DERL1: variants seen among roughly 807,000 people sequenced by gnomAD.
The protein encoded by DERL1 is derlin-1.
A neutral mutation model predicts 41.6 loss-of-function variants in DERL1; 24 were observed. That is an observed-to-expected ratio of 0.58 (90% CI 0.42 to 0.81). The LOEUF is 0.81. DERL1 is among the 30% of genes least tolerant of loss of function. The pLI is 0.00. For missense variants in DERL1, 260 were observed against 314.3 expected (o/e 0.83, Z 1.31); for synonymous variants, 124 against 112.5 (o/e 1.10, Z -0.65).
chr8:123,023,434 A>C (rs1183272819), intron 4 of DERL1, among the ~76,000 whole-genome samples: 1 of 152,112 alleles, frequency 6.6e-6, no homozygotes, highest in African/African-American at 2.4e-5. Context: ...GTGCATCTAT[A>C]ATCCCAGCTA....
chr8:123,020,144 T>C (rs755340144), intron 6 of DERL1, among the ~76,000 whole-genome samples: 2 of 152,142 alleles, frequency 1.3e-5, no homozygotes, highest in African/African-American at 2.4e-5. Flanking sequence ...ACCAGCAATA[T>C]AAAAATGGAT....
At chr8:123,039,449 T>C (rs1359214419) in intron 1 of DERL1, among the ~76,000 whole-genome samples, 1 of 152,222 alleles carries the variant, frequency 6.6e-6, no homozygotes, top group Non-Finnish European at 1.5e-5. Flanking sequence ...CCTGCTGTCA[T>C]CTACTAATCC....
intron 1 of DERL1, among the ~76,000 whole-genome samples, chr8:123,031,305 G>A (rs1002480990): frequency 1.3e-5 from 2 of 152,178 alleles, no homozygotes; most frequent in Non-Finnish European, 2.9e-5. Flanking sequence ...AGCACTTTAG[G>A]AAGCTGAGGC....
At chr8:123,024,889 T>A in intron 3 of DERL1, 97 bp downstream of exon 3, 2 of 1,272,956 alleles carry the variant, frequency 1.6e-6, no homozygotes, top group East Asian at 4.9e-5. Flanking sequence ...AAGATGCAAA[T>A]ATTGTAATTT....
intron 6 of DERL1, among the ~76,000 whole-genome samples, chr8:123,021,076 A>G (rs3817714): frequency 0.07 from 10,616 of 152,260 alleles, 363 homozygotes; most frequent in Middle Eastern, 0.095. Context: ...CATTCTGGAA[A>G]TGCCTTAAGA....
At position 123,042,277 on chromosome 8, in the gene DERL1, A is replaced by T. The variant is rs1366675492; in HGVS notation, c.-155T>A. On this transcript the variant is annotated 5_prime_UTR_variant, in exon 1 of 8. Transcript: ENST00000259512. The stretch of plus-strand genomic sequence containing the variant: ...GAGACGGGCGGACGTGGCGCCACCG[A>T]ATTCGGACCAGCGAGGCAGCCTTCT... 1 of 1,043,474 alleles carries T rather than the reference A, an allele frequency of 9.6e-7. No individual in the cohort carries two copies. The highest frequency in any genetic ancestry group is 1.3e-6 in the Non-Finnish European group (1 of 764,484). The allele number at this position is 1,043,474 out of a possible 1,614,324, so 64.6% of individuals were successfully genotyped here.
chr8:123,014,719 G>A lies in DERL1; in HGVS notation c.*728C>T, dbSNP rs1234429601. On this transcript the variant is annotated 3_prime_UTR_variant, in exon 8 of 8. Coordinates refer to ENST00000259512, the MANE Select transcript of DERL1 (RefSeq NM_024295.6). ...ACTACAGTCTTGATCACTTAGCTCA[G>A]GAAACAAACACCCAGCAACAACCCT... The A allele has an allele frequency of 2.0e-5, 3 of 152,216 alleles. No homozygotes were observed. The highest frequency in any genetic ancestry group is 7.2e-5 in the African/African-American group (3 of 41,432). 9.4% of individuals were successfully genotyped at this position (152,216 alleles called of 1,614,324 possible). A position where few individuals can be genotyped will look rare whatever the true frequency, so the allele number is the denominator to read the frequency against.
At chr8:123,018,509 T>G (rs1814647959) in intron 7 of DERL1, 1 of 152,222 alleles carries the variant, frequency 6.6e-6, no homozygotes. Context: ...CTCCCACAAT[T>G]TACAGGCTTG....
intron 1 of DERL1, among the ~76,000 whole-genome samples, chr8:123,040,218 C>CA (rs375014353): frequency 2.0e-5 from 3 of 150,552 alleles, no homozygotes; most frequent in Admixed American, 6.6e-5. Flanking sequence ...ACTCCGTCTC[C>CA]AAAAAAAAGA....
intron 6 of DERL1, 123 bp downstream of exon 6, chr8:123,021,324 T>C: frequency 1.2e-6 from 1 of 848,292 alleles, no homozygotes; most frequent in East Asian, 2.5e-5. Flanking sequence ...ATTCCATAAA[T>C]ATAGGGTTCT....
chr8:123,016,344 C>A (rs1485115586), intron 7 of DERL1: 1 of 152,182 alleles, frequency 6.6e-6, no homozygotes, highest in Non-Finnish European at 1.5e-5. Flanking sequence ...AAACCTATTC[C>A]ACTTAGCAGA....
rs149704655 is a variant in DERL1 at position 123,015,484 on chromosome 8, T to C, written c.719A>G (p.His240Arg). 2.3e-5 allele frequency: 37 copies of C among 1,613,564 alleles called. No homozygotes were observed. Among genetic ancestry groups the C allele is most frequent in the African/African-American group, 4.0e-5 (3 of 74,872 alleles). Residue 240 changes from histidine (H) to arginine (R), a missense_variant, in exon 8 of 8, where the codon CAC (histidine) becomes CGC (arginine). Transcript: ENST00000259512. ...AAGTCGAAAGCCCTGGCCCCAGTTGTGTCTCCCGCCTCCGCCATTCTGATC... is the reference window on the plus strand; with the variant it reads ...AAGTCGAAAGCCCTGGCCCCAGTTGCGTCTCCCGCCTCCGCCATTCTGATC... ...AADQNGGGGR[H>R]NWGQGFRLGD...
intron 1 of DERL1, among the ~76,000 whole-genome samples, chr8:123,038,981 G>T (rs75924591): frequency 0.07 from 10,595 of 152,096 alleles, 365 homozygotes; most frequent in Middle Eastern, 0.095. Flanking sequence ...CCCAACCCAG[G>T]TATCCCTGAC....
intron 1 of DERL1, among the ~76,000 whole-genome samples, chr8:123,036,078 A>G (rs1315537783): frequency 6.6e-6 from 1 of 152,168 alleles, no homozygotes; most frequent in Non-Finnish European, 1.5e-5. Context: ...AAGGCACTTA[A>G]TCTTTAAAAA....
intron 1 of DERL1, among the ~76,000 whole-genome samples, chr8:123,035,756 T>C (rs950903864): frequency 1.3e-5 from 2 of 152,222 alleles, no homozygotes; most frequent in African/African-American, 4.8e-5. Context: ...TGTTCCTCAG[T>C]TATTAGTCCA....
chr8:123,033,500 T>C (rs1331390231), intron 1 of DERL1, among the ~76,000 whole-genome samples: 3 of 152,140 alleles, frequency 2.0e-5, no homozygotes, highest in East Asian at 3.9e-4. Flanking sequence ...TCCCAGCACT[T>C]TGGGAGGCCG....
intron 1 of DERL1, among the ~76,000 whole-genome samples, chr8:123,038,586 C>G (rs551614304): frequency 3.9e-5 from 6 of 152,216 alleles, no homozygotes; most frequent in East Asian, 1.9e-4. Flanking sequence ...ACACCCGCAG[C>G]CTGTTAGGCT....
At chr8:123,031,314 G>A (rs1310137547) in intron 1 of DERL1, among the ~76,000 whole-genome samples, 1 of 152,140 alleles carries the variant, frequency 6.6e-6, no homozygotes, top group African/African-American at 2.4e-5. Flanking sequence ...GGAAGCTGAG[G>A]CAGGCAGATC....
chr8:123,035,708 TCAC>T (rs1812911494), intron 1 of DERL1, among the ~76,000 whole-genome samples: 1 of 152,294 alleles, frequency 6.6e-6, no homozygotes, highest in East Asian at 1.9e-4. Context: ...GCCCATGTGC[TCAC>T]TGCTATATAC....
Sources: gnomAD v4.1 joint callset for allele counts (sites outside exome capture counted in the v4.1 genomes callset) on GRCh38, gnomAD v4.1.1 for gene constraint, MANE v1.5 for transcripts, NCBI Gene and HGNC (gene_info 2026-07-23, HGNC 2026-07-21) for gene names.